Variants in HECW2 observed in about 807,000 individuals in gnomAD.
HECW2 encodes the protein HECT, C2 and WW domain containing E3 ubiquitin protein ligase 2, also known as E3 ubiquitin-protein ligase HECW2.
Under a neutral mutation model 175.2 loss-of-function variants are expected in HECW2, and 61 were observed. The ratio of observed to expected loss-of-function variants is 0.35; its 90% confidence interval spans 0.28 to 0.43. HECW2 has a LOEUF of 0.43. HECW2 is among the 20% of genes least tolerant of loss of function. The pLI is 1.00. For synonymous variants in HECW2, 671 were observed against 731.0 expected (o/e 0.92, Z 1.32); for missense variants, 1,524 against 2,000.5 (o/e 0.76, Z 4.54).
intron 2 of HECW2, among the ~76,000 whole-genome samples, chr2:196,381,137 C>A (rs1341723226): frequency 6.6e-6 from 1 of 152,188 alleles, no homozygotes; most frequent in African/African-American, 2.4e-5. Context: ...TTACAATAAG[C>A]ACAGTTGCTT....
intron 14 of HECW2, among the ~76,000 whole-genome samples, chr2:196,287,675 T>C (rs1042214817): frequency 2.0e-5 from 3 of 152,262 alleles, no homozygotes; most frequent in Admixed American, 1.3e-4. Flanking sequence ...TTTGACTCTC[T>C]GCAGTACAGC....
At chr2:196,215,635 T>A (rs1262433605) in intron 28 of HECW2, among the ~76,000 whole-genome samples, 1 of 152,148 alleles carries the variant, frequency 6.6e-6, no homozygotes, top group Non-Finnish European at 1.5e-5. Flanking sequence ...AACAAATACT[T>A]TGCTTTTGTT....
chr2:196,242,089 C>T lies in HECW2; in HGVS notation c.3645G>A (p.Lys1215=), dbSNP rs1688478380. 2 of 1,613,994 alleles carry T rather than the reference C, an allele frequency of 1.2e-6. No homozygotes were observed. The highest frequency in any genetic ancestry group is 1.7e-6 in the Non-Finnish European group (2 of 1,179,904). The change falls in exon 20 of 29, where the codon AAG becomes AAA. Residue 1215 remains lysine (K), a synonymous_variant. Transcript: ENST00000644978. ...ETKGYGQGPG[K]LKLIIRRDHL... ...TTTGTGTCACTTTGACTTACTTTAA[C>T]TTCCCTGGGCCTTGTCCATATCCTT... is the stretch of plus-strand genomic sequence containing the variant.
intron 1 of HECW2, among the ~76,000 whole-genome samples, chr2:196,474,583 T>C (rs1030794668): frequency 6.6e-6 from 1 of 152,226 alleles, no homozygotes; most frequent in Non-Finnish European, 1.5e-5. Flanking sequence ...CACAGGCCTT[T>C]AGTAGACACA....
intron 10 of HECW2, among the ~76,000 whole-genome samples, chr2:196,309,875 G>A (rs951748415): frequency 5.3e-5 from 8 of 152,184 alleles, no homozygotes; most frequent in African/African-American, 1.9e-4. Context: ...TTTTCTGGCA[G>A]TTATGGCAGA....
intron 28 of HECW2, among the ~76,000 whole-genome samples, chr2:196,210,036 T>C (rs1424112191): frequency 6.6e-6 from 1 of 152,210 alleles, no homozygotes; most frequent in East Asian, 1.9e-4. Flanking sequence ...GTGCTGGGAT[T>C]ACAGGCGTGA....
chr2:196,488,091 G>A, intron 1 of HECW2, among the ~76,000 whole-genome samples: 1 of 152,126 alleles, frequency 6.6e-6, no homozygotes, highest in African/African-American at 2.4e-5. Context: ...TCCAAGATAG[G>A]GGATTATTCA....
intron 28 of HECW2, among the ~76,000 whole-genome samples, chr2:196,202,221 TA>T (rs1209955759): frequency 5.3e-5 from 8 of 151,856 alleles, no homozygotes; most frequent in Non-Finnish European, 1.0e-4. Context: ...AACTTTGACT[TA>T]AAAAAAATAC....
rs59563276 is a variant in HECW2, at chr2:196,437,611, C to CAAA, written c.-35-4156_-35-4154dup. ...TGGGCAACAGAGTGAGACTCTGTCT[C>CAAA]AAAAAAAAAAAAAGCACCAGCCTTG... On this transcript the variant is annotated intron_variant, in intron 1 of 28. Coordinates refer to ENST00000644978, the MANE Select transcript of HECW2 (RefSeq NM_001348768.2). 1.3e-4 allele frequency among the ~76,000 whole-genome samples: 7 copies of CAAA among 55,784 alleles called. 1 individual carries two copies. Among genetic ancestry groups the CAAA allele is most frequent in the East Asian group, 1.4e-3 (2 of 1,452 alleles). 36.6% of individuals were successfully genotyped at this position (55,784 alleles called of 152,430 possible).
At chr2:196,265,453 T>C (rs990338848) in intron 17 of HECW2, among the ~76,000 whole-genome samples, 2 of 152,116 alleles carry the variant, frequency 1.3e-5, no homozygotes, top group Non-Finnish European at 2.9e-5. Context: ...CCCACTGCAC[T>C]CCAGCCTGGG....
intron 4 of HECW2, among the ~76,000 whole-genome samples, chr2:196,332,718 T>C (rs1267073801): frequency 1.3e-5 from 2 of 152,238 alleles, no homozygotes; most frequent in African/African-American, 4.8e-5. Context: ...TGGAAGCTGT[T>C]GTCTAATTTC....
intron 10 of HECW2, chr2:196,316,590 T>G (rs1691708042): frequency 6.6e-6 from 1 of 152,220 alleles, no homozygotes; most frequent in Admixed American, 6.5e-5. Flanking sequence ...CTGTCGAAAT[T>G]TAAATAGAGT....
At chr2:196,493,382 GAAC>G (rs1252491935) in intron 1 of HECW2, 3 of 151,910 alleles carry the variant, frequency 2.0e-5, no homozygotes, top group African/African-American at 7.3e-5. Context: ...GACCCTGTCA[GAAC>G]AACAACAAAA....
chr2:196,218,528 C>T (rs1687555203), intron 26 of HECW2, among the ~76,000 whole-genome samples: 1 of 152,084 alleles, frequency 6.6e-6, no homozygotes, highest in Non-Finnish European at 1.5e-5. Context: ...TTAGAATCTC[C>T]TGGGTCCGGG....
chr2:196,337,575 AT>A (rs5837502), intron 3 of HECW2, among the ~76,000 whole-genome samples: 73,192 of 113,176 alleles, frequency 0.65, 20,586 homozygotes, highest in East Asian at 0.82. Context: ...AAATAAAAAA[AT>A]ATATATATAT....
At chr2:196,252,376 G>A (rs1394057174) in intron 19 of HECW2, among the ~76,000 whole-genome samples, 1 of 151,836 alleles carries the variant, frequency 6.6e-6, no homozygotes, top group Non-Finnish European at 1.5e-5. Flanking sequence ...TTGGATGTTT[G>A]TTCCCTCTAA....
intron 1 of HECW2, among the ~76,000 whole-genome samples, chr2:196,591,376 T>C (rs1575706514): frequency 6.6e-6 from 1 of 152,316 alleles, no homozygotes; most frequent in South Asian, 2.1e-4. Context: ...GGGCCATTTA[T>C]ATACAAGAGC....
At chr2:196,278,415 C>CAAAA in intron 15 of HECW2, 113 bp downstream of exon 15, 4 of 943,198 alleles carry the variant, frequency 4.2e-6, no homozygotes, top group Non-Finnish European at 5.8e-6. Context: ...AAATCAAACT[C>CAAAA]AAAAAAAAAA....
Position 196,251,231 on chromosome 2 carries a change from G to C in HECW2, c.3529+2689C>G, listed in dbSNP as rs532606088. Among the ~76,000 whole-genome samples, 36 of 152,192 alleles carry C rather than the reference G, an allele frequency of 2.4e-4. No homozygotes were observed. In the South Asian group the frequency reaches 3.5e-3, roughly 15 times the overall value. ...TATTGACCACTCCTCTGTGAAACCCGGCTCCCCTGAAAAGACTTTCCTAAC... is the reference window on the plus strand; with the variant it reads ...TATTGACCACTCCTCTGTGAAACCCCGCTCCCCTGAAAAGACTTTCCTAAC... On this transcript the variant is annotated intron_variant, in intron 19 of 28. Transcript: ENST00000644978.
Sources: gnomAD v4.1 joint callset for allele counts (sites outside exome capture counted in the v4.1 genomes callset) on GRCh38, gnomAD v4.1.1 for gene constraint, MANE v1.5 for transcripts, NCBI Gene and HGNC (gene_info 2026-07-23, HGNC 2026-07-21) for gene names.